TNFRSF19: variants seen among roughly 807,000 people sequenced by gnomAD.
TNFRSF19 encodes the protein tumor necrosis factor receptor superfamily member 19.
TNFRSF19 carries 27 observed loss-of-function variants against 46.4 expected under a neutral mutation model. The observed-to-expected ratio is 0.58, with a 90% CI of 0.43 to 0.80. The LOEUF (loss-of-function observed/expected upper bound fraction) is 0.80. Among genes scored for constraint, TNFRSF19 ranks in the 30% least tolerant of loss-of-function variants. The pLI is 0.00. For missense variants in TNFRSF19, 511 were observed against 530.8 expected (o/e 0.96, Z 0.37); for synonymous variants, 204 against 205.0 (o/e 1.00, Z 0.04).
chr13:23,673,314 T>G, intron 9 of TNFRSF19, 58 bp from the exon 10 acceptor site: 2 of 1,551,764 alleles, frequency 1.3e-6, no homozygotes, highest in Non-Finnish European at 1.8e-6. Context: ...CATTGAAATT[T>G]AGCAGATTTA....
chr13:23,584,147 G>A (rs1206114775), intron 1 of TNFRSF19, among the ~76,000 whole-genome samples: 1 of 151,770 alleles, frequency 6.6e-6, no homozygotes, highest in Non-Finnish European at 1.5e-5. Flanking sequence ...CTTCAGTGGT[G>A]ATTTGTGAGA....
At chr13:23,631,865 T>C (rs767478031) in intron 5 of TNFRSF19, among the ~76,000 whole-genome samples, 2 of 152,198 alleles carry the variant, frequency 1.3e-5, no homozygotes, top group Non-Finnish European at 2.9e-5. Flanking sequence ...AGAAGCCAGC[T>C]CTTGGTATCC....
In TNFRSF19 at chr13:23,576,380, GC is replaced by G. The variant is rs1439238681; in HGVS notation, c.-35+5534del. Among the ~76,000 whole-genome samples the G allele has an allele frequency of 5.3e-5, 8 of 152,218 alleles. No individual in the cohort carries two copies. The East Asian group carries it at 1.5e-3, about 29-fold the overall frequency. ...ACTCCTGACCTCAGGTGATCCGCCT[GC>G]CTCGGCCTCCCAAAGTGCCTGGATT... On this transcript the variant is annotated intron_variant, in intron 1 of 9. Coordinates refer to ENST00000248484, the MANE Select transcript of TNFRSF19 (RefSeq NM_148957.4).
chr13:23,597,624 A>T (rs1262860211), intron 3 of TNFRSF19, among the ~76,000 whole-genome samples: 1 of 152,156 alleles, frequency 6.6e-6, no homozygotes, highest in Non-Finnish European at 1.5e-5. Context: ...CAACCAAAAA[A>T]AGCTCAGGAC....
At chr13:23,621,034 C>A (rs556881861) in intron 4 of TNFRSF19, among the ~76,000 whole-genome samples, 2 of 152,284 alleles carry the variant, frequency 1.3e-5, no homozygotes, top group African/African-American at 4.8e-5. Context: ...TCCTCTGCCC[C>A]ATGCTTAGGT....
At chr13:23,627,522 T>C (rs1394284131) in intron 5 of TNFRSF19, among the ~76,000 whole-genome samples, 1 of 152,288 alleles carries the variant, frequency 6.6e-6, no homozygotes. Flanking sequence ...ACCTGGTCAA[T>C]AGAAACCCAC....
At chr13:23,615,101 A>G (rs1881181241) in intron 3 of TNFRSF19, among the ~76,000 whole-genome samples, 1 of 152,204 alleles carries the variant, frequency 6.6e-6, no homozygotes, top group African/African-American at 2.4e-5. Context: ...GTGAACACAG[A>G]TCACATCTAC....
At chr13:23,594,350 C>T in intron 3 of TNFRSF19, 2 of 439,906 alleles carry the variant, frequency 4.5e-6, no homozygotes, top group South Asian at 3.2e-5. Context: ...CTAAGATCCA[C>T]TGGCTTGAAA....
intron 1 of TNFRSF19, among the ~76,000 whole-genome samples, chr13:23,575,521 T>C (rs186241707): frequency 4.6e-5 from 7 of 152,292 alleles, no homozygotes; most frequent in African/African-American, 7.2e-5. Flanking sequence ...TAGTCTATAA[T>C]TGGCAGTAGT....
At chr13:23,662,174 C>A (rs1351851236) in intron 7 of TNFRSF19, among the ~76,000 whole-genome samples, 2 of 152,038 alleles carry the variant, frequency 1.3e-5, no homozygotes, top group East Asian at 3.9e-4. Flanking sequence ...TTGGTTTTTA[C>A]ATGTAAGTCT....
At chr13:23,590,293 A>G (rs781340298) in intron 2 of TNFRSF19, 41 bp downstream of exon 2, 3 of 1,265,070 alleles carry the variant, frequency 2.4e-6, no homozygotes, top group Non-Finnish European at 3.4e-6. Flanking sequence ...ATGTGGTGAA[A>G]GAATTCATGT....
chr13:23,612,663 G>A (rs1421936742), intron 3 of TNFRSF19, among the ~76,000 whole-genome samples: 1 of 152,012 alleles, frequency 6.6e-6, no homozygotes. Flanking sequence ...TTACATTTTT[G>A]AAAATAGTAA....
intron 9 of TNFRSF19, among the ~76,000 whole-genome samples, chr13:23,671,419 G>A (rs781217499): frequency 6.6e-6 from 1 of 151,550 alleles, no homozygotes; most frequent in African/African-American, 2.4e-5. Context: ...AAAAGGAAGC[G>A]TTAAAATATA....
At position 23,669,258 on chromosome 13, in the gene TNFRSF19, A is replaced by AT. The variant is rs200628302; in HGVS notation, c.1245+168dup. The AT allele has an allele frequency of 9.9e-6, 14 of 1,408,294 alleles. No homozygotes were observed. In the South Asian group the frequency reaches 2.0e-4, roughly 20 times the overall value. The allele number at this position is 1,408,294 out of a possible 1,614,324, so 87.2% of individuals were successfully genotyped here. On this transcript the variant is annotated intron_variant, in intron 9 of 9. Coordinates refer to ENST00000248484, the MANE Select transcript of TNFRSF19 (RefSeq NM_148957.4). The stretch of plus-strand genomic sequence containing the variant: ...GTATGTTTTAAAATAAATTTCAAGT[A>AT]TTTTTTTAAAAAACTAACACAGCTA...
At chr13:23,598,176 A>G (rs1879873388) in intron 3 of TNFRSF19, among the ~76,000 whole-genome samples, 1 of 152,182 alleles carries the variant, frequency 6.6e-6, no homozygotes, top group African/African-American at 2.4e-5. Flanking sequence ...TCCCATTCTC[A>G]TTGAACAATG....
chr13:23,663,865 T>A (rs530593658), intron 7 of TNFRSF19, among the ~76,000 whole-genome samples: 1 of 152,278 alleles, frequency 6.6e-6, no homozygotes, highest in Non-Finnish European at 1.5e-5. Context: ...ATCCCTTTTG[T>A]AGTTTTTAAT....
intron 5 of TNFRSF19, among the ~76,000 whole-genome samples, chr13:23,636,020 A>C (rs1374655592): frequency 1.3e-5 from 2 of 152,160 alleles, no homozygotes; most frequent in African/African-American, 4.8e-5. Context: ...ATTTTTAAGC[A>C]TTGGTCTTCT....
rs187393254 is a variant in TNFRSF19, at chr13:23,578,308, T to C, written c.-35+7460T>C. ...TTGGAAATCGTTTACCAATAAGTCG[T>C]TATTGGGATCTATATTCTGGATGTG... is the stretch of plus-strand genomic sequence containing the variant. On this transcript the variant is annotated intron_variant, in intron 1 of 9. Coordinates refer to ENST00000248484, the MANE Select transcript of TNFRSF19 (RefSeq NM_148957.4). 2.5e-3 allele frequency among the ~76,000 whole-genome samples: 386 copies of C among 152,270 alleles called. 1 individual carries two copies. The Middle Eastern group carries it at 0.034, about 13-fold the overall frequency.
rs200218483 is a variant in TNFRSF19 at position 23,668,745 on chromosome 13, A to G, written c.893A>G (p.Gln298Arg). The stretch of plus-strand genomic sequence containing the variant: ...CCGACTTTCTTCGGATCCCTCACGC[A>G]GTCCATCTGTGGCGAGTTTTCAGAT... Reference protein sequence around the residue: ...MVPTFFGSLTQSICGEFSDAW... With the variant: ...MVPTFFGSLTRSICGEFSDAW... The change falls in exon 9 of 10, where the codon CAG becomes CGG. Residue 298 changes from glutamine (Q) to arginine (R), a missense_variant. Gln to Arg is a conservative substitution (Grantham distance 43). Around this residue, in one of 3 missense-constraint regions of TNFRSF19, gnomAD observed 376 missense variants for 372.7 expected, o/e 1.01. Coordinates refer to ENST00000248484, the MANE Select transcript of TNFRSF19 (RefSeq NM_148957.4). The G allele has an allele frequency of 1.8e-5, 29 of 1,614,258 alleles. No individual in the cohort carries two copies. In the African/African-American group the frequency reaches 3.7e-4, roughly 21 times the overall value.
Sources: allele counts gnomAD v4.1 joint callset (sites outside exome capture counted in the v4.1 genomes callset), GRCh38; gene constraint gnomAD v4.1.1; regional missense constraint gnomAD v4.1.1; transcripts MANE v1.5; gene names NCBI Gene and HGNC (gene_info 2026-07-23, HGNC 2026-07-21).